TNRC18: variants seen among roughly 807,000 people sequenced by gnomAD.
The protein encoded by TNRC18 is trinucleotide repeat containing 18, also known as trinucleotide repeat-containing gene 18 protein.
In TNRC18, 69 loss-of-function variants were observed where a neutral mutation model predicts 226.7. That is an observed-to-expected ratio of 0.30 (90% CI 0.25 to 0.37). TNRC18 has a LOEUF of 0.37. TNRC18 is among the 10% of genes least tolerant of loss of function. The pLI is 1.00. For synonymous variants in TNRC18, 2,449 were observed against 1,927.6 expected (o/e 1.27, Z -7.09); for missense variants, 4,754 against 4,256.6 (o/e 1.12, Z -3.25).
At position 5,394,999 on chromosome 7, in the gene TNRC18, C is replaced by T. The variant is rs923786455; in HGVS notation, c.188-404G>A. Among the ~76,000 whole-genome samples, 7 of 152,192 alleles carry T rather than the reference C, an allele frequency of 4.6e-5. No individual in the cohort carries two copies. Among genetic ancestry groups the T allele is most frequent in the African/African-American group, 1.4e-4 (6 of 41,432 alleles). Reference sequence around the variant, plus strand: ...GACTTCCAGAGGCCACAGGGCAAGGCGGTGGGGGACTTACAGGCGGGGGGC... The same window carrying T: ...GACTTCCAGAGGCCACAGGGCAAGGTGGTGGGGGACTTACAGGCGGGGGGC... On this transcript the variant is annotated intron_variant, in intron 2 of 29. Transcript: ENST00000430969. This position sits in a 1 kb window ranked among gnomAD's most constrained non-coding sequence, Gnocchi z 4.5.
At chr7:5,420,949 G>A in intron 2 of TNRC18, 111 bp downstream of exon 2, 2 of 1,361,938 alleles carry the variant, frequency 1.5e-6, no homozygotes, top group South Asian at 2.5e-5. Flanking sequence ...GCACCCCCGT[G>A]GCCGACCGAA....
chr7:5,351,134 G>C (rs1463966044), intron 17 of TNRC18, among the ~76,000 whole-genome samples: 2 of 152,030 alleles, frequency 1.3e-5, no homozygotes, highest in Admixed American at 1.3e-4. Flanking sequence ...AGGGATATTT[G>C]AATAACACAG....
chr7:5,332,276 AC>A (rs1182847063), intron 19 of TNRC18, among the ~76,000 whole-genome samples: 1 of 152,152 alleles, frequency 6.6e-6, no homozygotes, highest in Non-Finnish European at 1.5e-5. Flanking sequence ...CTCTCTACAA[AC>A]AATAAATTAG....
At chr7:5,331,143 G>C (rs1267636797) in intron 19 of TNRC18, among the ~76,000 whole-genome samples, 2 of 152,132 alleles carry the variant, frequency 1.3e-5, no homozygotes, top group Non-Finnish European at 2.9e-5. Flanking sequence ...AAATCAATGT[G>C]ACTCTCATCT....
chr7:5,375,802 G>A (rs1464368386), intron 9 of TNRC18, among the ~76,000 whole-genome samples: 2 of 152,146 alleles, frequency 1.3e-5, no homozygotes, highest in Non-Finnish European at 2.9e-5. Context: ...ACCCTGCCCT[G>A]CCAATCTCCA....
chr7:5,415,367 CTCTTTT>C (rs1033464345), intron 2 of TNRC18, among the ~76,000 whole-genome samples: 1 of 139,898 alleles, frequency 7.1e-6, no homozygotes, highest in Non-Finnish European at 1.5e-5. Flanking sequence ...GTCTGTGTCC[CTCTTTT>C]TTTTTTTTTT....
chr7:5,408,293 C>A, intron 2 of TNRC18, among the ~76,000 whole-genome samples: 1 of 140,346 alleles, frequency 7.1e-6, no homozygotes, highest in African/African-American at 2.7e-5. Context: ...ACAAGACTTC[C>A]GTCTCAAAAA....
At chr7:5,352,752 G>C (rs139241521) in intron 16 of TNRC18, among the ~76,000 whole-genome samples, 170 of 152,366 alleles carry the variant, frequency 1.1e-3, no homozygotes, top group African/African-American at 3.9e-3. Flanking sequence ...ATCTTCCGGG[G>C]AGACAACCAG....
chr7:5,419,621 C>A (rs1277926970), intron 2 of TNRC18, among the ~76,000 whole-genome samples: 2 of 152,054 alleles, frequency 1.3e-5, no homozygotes, highest in African/African-American at 4.8e-5. Flanking sequence ...ACCCTTGCCC[C>A]GGTCACAGAC....
chr7:5,370,928 A>T lies in TNRC18; in HGVS notation c.3666T>A (p.Phe1222Leu). 1 of 1,605,388 alleles carries T rather than the reference A, an allele frequency of 6.2e-7. No homozygotes were observed. The highest frequency in any genetic ancestry group is 8.5e-7 in the Non-Finnish European group (1 of 1,179,706). ...SCAEPSECPD[F>L]VEGPEPRVDS... is the part of the protein sequence containing the mutation. ...CCACCCGTGGTTCAGGCCCCTCCAC[A>T]AAGTCTGGACACTCAGAGGGCTCTG... The change falls in exon 11 of 30, where the codon TTT becomes TTA. Residue 1222 changes from phenylalanine (F) to leucine (L), a missense_variant. Transcript: ENST00000430969.
chr7:5,345,517 G>GGGGGGGGGGGGGCCCCCCC lies in TNRC18; in HGVS notation c.5719+44_5719+45insGGGGGGGCCCCCCCCCCCC. On this transcript the variant is annotated intron_variant, in intron 18 of 29. Transcript: ENST00000430969. ...CCTGTGGGATGGGGCAATGGCGTCCGCCCCTCCCACCCACCCCCACCGCAG... is the reference window on the plus strand; with the variant it reads ...CCTGTGGGATGGGGCAATGGCGTCCGGGGGGGGGGGGGCCCCCCCCCCCTCCCACCCACCCCCACCGCAG... 1.1e-5 allele frequency: 4 copies of GGGGGGGGGGGGGCCCCCCC among 377,744 alleles called. 1 individual carries two copies. The highest frequency in any genetic ancestry group is 1.9e-5 in the Non-Finnish European group (4 of 207,166). The allele number at this position is 377,744 out of a possible 1,614,324, so 23.4% of individuals were successfully genotyped here. A position where few individuals can be genotyped will look rare whatever the true frequency, so the allele number is the denominator to read the frequency against.
chr7:5,332,943 G>T lies in TNRC18; in HGVS notation c.5826C>A (p.Ser1942=). The T allele has an allele frequency of 6.4e-7, 1 of 1,551,000 alleles. No homozygotes were observed. ...GGGCGCCAGGCGTGGGTGCGGCCAG[G>T]GAGGGTCCCGGCTCCCCCAGCCCCT... The part of the protein sequence containing the change: ...PKKGLGEPGP[S]LAAPTPGARG... The change falls in exon 19 of 30, where the codon TCC becomes TCA. Residue 1942 remains serine (S), a synonymous_variant. Transcript: ENST00000430969.
intron 2 of TNRC18, chr7:5,420,553 C>A: frequency 2.2e-6 from 1 of 446,486 alleles, no homozygotes. Flanking sequence ...CATCCCCCGG[C>A]GTACTCCCGC....
At position 5,388,197 on chromosome 7, in the gene TNRC18, C is replaced by A; in HGVS notation, c.1627G>T (p.Ala543Ser). The change falls in exon 5 of 30, where the codon GCT becomes TCT. Residue 543 changes from alanine (A) to serine (S), a missense_variant. By Grantham distance (99) the Ala-to-Ser change is moderately conservative (BLOSUM62 1). Coordinates refer to ENST00000430969, the MANE Select transcript of TNRC18 (RefSeq NM_001080495.3). Reference protein sequence around the residue: ...SRAEEEAAVVAASSSKKAYLD... With the variant: ...SRAEEEAAVVSASSSKKAYLD... ...TAGGCCTTCTTGGAGGAGGAGGCAG[C>A]GACCACGGCGGCCTCCTCTTCGGCG... 2 of 1,591,042 alleles carry A rather than the reference C, an allele frequency of 1.3e-6. No homozygotes were observed. The highest frequency in any genetic ancestry group is 1.7e-6 in the Non-Finnish European group (2 of 1,170,424).
At chr7:5,392,751 T>TA (rs1407493303) in intron 3 of TNRC18, among the ~76,000 whole-genome samples, 2 of 152,342 alleles carry the variant, frequency 1.3e-5, no homozygotes, top group Non-Finnish European at 1.5e-5. Flanking sequence ...CTCATGCCTG[T>TA]AATCCCAGCA....
chr7:5,334,188 G>C (rs956204029), intron 18 of TNRC18, among the ~76,000 whole-genome samples: 15 of 152,354 alleles, frequency 9.8e-5, no homozygotes, highest in African/African-American at 2.9e-4. Flanking sequence ...GCAGCCGTGA[G>C]AGGCTTGCTC....
At chr7:5,360,539 A>AT (rs1467672628) in intron 14 of TNRC18, among the ~76,000 whole-genome samples, 2 of 152,082 alleles carry the variant, frequency 1.3e-5, no homozygotes, top group East Asian at 1.9e-4. Context: ...CTGTGTACTT[A>AT]TTTTTTTATA....
At chr7:5,361,792 G>T (rs1018365369) in intron 13 of TNRC18, 70 bp from the exon 14 acceptor site, 2 of 1,533,408 alleles carry the variant, frequency 1.3e-6, no homozygotes, top group Non-Finnish European at 1.8e-6. Context: ...GGCACACGAT[G>T]CACACACGGC....
chr7:5,349,235 C>A (rs1012337564), intron 17 of TNRC18, among the ~76,000 whole-genome samples: 6 of 152,136 alleles, frequency 3.9e-5, no homozygotes, highest in African/African-American at 1.4e-4. Context: ...GCTGCTCCTG[C>A]GGGGTCTGGT....
Sources: gnomAD v4.1 joint callset for allele counts (sites outside exome capture counted in the v4.1 genomes callset) on GRCh38, gnomAD v4.1.1 for gene constraint, Gnocchi (gnomAD v3.1) non-coding constraint, MANE v1.5 for transcripts, NCBI Gene and HGNC (gene_info 2026-07-23, HGNC 2026-07-21) for gene names.